Variants in CORO2A observed in about 807,000 individuals in gnomAD.
The protein encoded by CORO2A is coronin 2A, also known as coronin-2A.
CORO2A carries 47 observed loss-of-function variants against 62.4 expected under a neutral mutation model. The observed-to-expected ratio is 0.75, with a 90% CI of 0.60 to 0.96. The LOEUF (loss-of-function observed/expected upper bound fraction) is 0.96, where lower values mean the gene tolerates loss of function less well. Among genes scored for constraint, CORO2A ranks in the 40% least tolerant of loss-of-function variants. The pLI, the probability that CORO2A is intolerant of heterozygous loss-of-function variation, is 0.00. For missense variants in CORO2A, 610 were observed against 684.1 expected, an observed-to-expected ratio of 0.89 and a Z score of 1.21; for synonymous variants, 273 against 268.9, an observed-to-expected ratio of 1.02 and a Z score of -0.15.
At chr9:98,133,306 A>G (rs892953762) in intron 4 of CORO2A, 89 bp from the exon 5 acceptor site, 3 of 1,330,234 alleles carry the variant, frequency 2.3e-6, no homozygotes, top group Non-Finnish European at 3.2e-6. Context: ...AGTGAAACAC[A>G]GTATCCCTGG....
At chr9:98,190,046 A>C (rs910294456) in intron 1 of CORO2A, among the ~76,000 whole-genome samples, 24 of 152,058 alleles carry the variant, frequency 1.6e-4, no homozygotes, top group African/African-American at 5.6e-4. Flanking sequence ...CACCACACCC[A>C]GCTAATTTTT....
At chr9:98,162,792 C>T (rs1241494011) in intron 1 of CORO2A, among the ~76,000 whole-genome samples, 3 of 152,206 alleles carry the variant, frequency 2.0e-5, no homozygotes, top group Admixed American at 6.5e-5. Context: ...TGCGTGTATC[C>T]GTGCATGCAT....
rs371702615 is a variant in CORO2A at position 98,129,801 on chromosome 9, C to G, written c.960G>C (p.Lys320Asn). The change falls in exon 8 of 12, where the codon AAG becomes AAC. Residue 320 changes from lysine (K) to asparagine (N), a missense_variant. Transcript: ENST00000375077. ...LTEYRSYNPQKGIGVMPKRGL... is the reference protein window; with the variant it reads ...LTEYRSYNPQNGIGVMPKRGL... ...TCAGTGTCCCTCACTTACCGATCCC[C>G]TTCTGTGGGTTATAGGAGCGGTACT... 4 of 1,612,650 alleles carry G rather than the reference C, an allele frequency of 2.5e-6. No individual in the cohort carries two copies. Among genetic ancestry groups the G allele is most frequent in the Admixed American group, 3.3e-5 (2 of 60,002 alleles).
chr9:98,174,325 A>G (rs1006438127), intron 1 of CORO2A, among the ~76,000 whole-genome samples: 5 of 152,186 alleles, frequency 3.3e-5, no homozygotes, highest in African/African-American at 7.2e-5. Flanking sequence ...TCATTCATAT[A>G]AAGTGCCTCA....
intron 2 of CORO2A, among the ~76,000 whole-genome samples, chr9:98,148,016 G>A (rs932052603): frequency 1.2e-4 from 18 of 151,662 alleles, no homozygotes; most frequent in Non-Finnish European, 2.1e-4. Context: ...GGAGGCTGAG[G>A]CAAGAGGATC....
At chr9:98,133,244 C>T (rs1421716044) in intron 4 of CORO2A, 27 bp from the exon 5 acceptor site, 1 of 1,610,538 alleles carries the variant, frequency 6.2e-7, no homozygotes, top group Non-Finnish European at 8.5e-7. Context: ...CAGCTCTGAG[C>T]ACAGGGGCCA....
intron 2 of CORO2A, among the ~76,000 whole-genome samples, chr9:98,151,748 C>T (rs1011155227): frequency 4.0e-5 from 6 of 151,292 alleles, no homozygotes; most frequent in Non-Finnish European, 8.8e-5. Flanking sequence ...CTGCAACCTC[C>T]GCCTCCTGGG....
intron 2 of CORO2A, among the ~76,000 whole-genome samples, chr9:98,142,972 T>A (rs943092813): frequency 6.6e-6 from 1 of 152,190 alleles, no homozygotes; most frequent in Non-Finnish European, 1.5e-5. Flanking sequence ...TGGTGGGCTA[T>A]TGACTGAGCT....
intron 1 of CORO2A, among the ~76,000 whole-genome samples, chr9:98,168,390 A>G (rs1328028259): frequency 6.6e-6 from 1 of 152,224 alleles, no homozygotes; most frequent in African/African-American, 2.4e-5. Flanking sequence ...GCTAACGCCT[A>G]TATTACTGAC....
At chr9:98,133,243 G>A in intron 4 of CORO2A, 26 bp from the exon 5 acceptor site, 1 of 1,611,522 alleles carries the variant, frequency 6.2e-7, no homozygotes, top group Non-Finnish European at 8.5e-7. Flanking sequence ...CCAGCTCTGA[G>A]CACAGGGGCC....
chr9:98,159,785 C>T (rs1452900959), intron 1 of CORO2A, among the ~76,000 whole-genome samples: 1 of 152,054 alleles, frequency 6.6e-6, no homozygotes, highest in Non-Finnish European at 1.5e-5. Flanking sequence ...ATTTTCTCTG[C>T]TGGCTTGGAG....
At chr9:98,141,045 G>A (rs972588775) in intron 2 of CORO2A, among the ~76,000 whole-genome samples, 2 of 152,100 alleles carry the variant, frequency 1.3e-5, no homozygotes, top group African/African-American at 4.8e-5. Context: ...GGGCTAAGAT[G>A]GATGTAACTT....
chr9:98,143,891 C>T lies in CORO2A; in HGVS notation c.202-6203G>A, dbSNP rs149014719. Among the ~76,000 whole-genome samples the T allele has an allele frequency of 4.8e-3, 734 of 152,304 alleles. 3 individuals are homozygous for T. The highest frequency in any genetic ancestry group is 0.016 in the African/African-American group (660 of 41,570). On this transcript the variant is annotated intron_variant, in intron 2 of 11. Transcript: ENST00000375077. ...CAGGCAGCTGGATCAGACATGTTCC[C>T]ATGTCTATAAGAAATAGGTTTTTAA...
intron 2 of CORO2A, among the ~76,000 whole-genome samples, chr9:98,142,275 A>T (rs1226323145): frequency 6.6e-6 from 1 of 152,216 alleles, no homozygotes; most frequent in Non-Finnish European, 1.5e-5. Context: ...TCCAGCATGG[A>T]GTAGGGACTT....
intron 1 of CORO2A, among the ~76,000 whole-genome samples, chr9:98,191,759 G>A (rs532970389): frequency 1.1e-4 from 16 of 152,316 alleles, no homozygotes; most frequent in African/African-American, 3.8e-4. Flanking sequence ...CCTTGGCACT[G>A]TCACCCCTCT....
chr9:98,131,538 C>T (rs540825184), intron 6 of CORO2A, among the ~76,000 whole-genome samples: 2 of 152,086 alleles, frequency 1.3e-5, no homozygotes, highest in Middle Eastern at 3.4e-3. Context: ...AGGCTGGTCT[C>T]GAATTCGTGG....
At chr9:98,132,940 G>A (rs1165816335) in intron 5 of CORO2A, 98 bp downstream of exon 5, 8 of 1,379,016 alleles carry the variant, frequency 5.8e-6, no homozygotes, top group Non-Finnish European at 6.0e-6. Flanking sequence ...CAGCCCAGAC[G>A]CTGACAGCAT....
intron 10 of CORO2A, 102 bp from the exon 11 acceptor site, chr9:98,126,925 T>C (rs779271681): frequency 8.0e-7 from 1 of 1,251,722 alleles, no homozygotes; most frequent in East Asian, 2.3e-5. Flanking sequence ...CTCAGAGCCA[T>C]GCAGACCCAT....
chr9:98,181,334 CTTTTTTTTTTT>C (rs575456152), intron 1 of CORO2A, among the ~76,000 whole-genome samples: 7 of 112,200 alleles, frequency 6.2e-5, no homozygotes, highest in Non-Finnish European at 1.2e-4. Flanking sequence ...CTCTCTCTTG[CTTTTTTTTTTT>C]TTTTTTTTTT....
Sources: allele counts gnomAD v4.1 joint callset (sites outside exome capture counted in the v4.1 genomes callset), GRCh38; gene constraint gnomAD v4.1.1; transcripts MANE v1.5; gene names NCBI Gene and HGNC (gene_info 2026-07-23, HGNC 2026-07-21).